Variants in CIMAP2 observed in about 807,000 individuals in gnomAD.
CIMAP2 encodes the protein ciliary microtubule-associated protein 2.
chr1:54,820,584 C>G, the CIMAP2 span, among the ~76,000 whole-genome samples: 1,757 of 152,246 alleles, frequency 0.012, 33 homozygotes, highest in African/African-American at 0.04. Flanking sequence ...CACATCCTTG[C>G]CAGCATTTGT....
the CIMAP2 span, chr1:54,808,071 C>A: frequency 1.6e-5 from 24 of 1,464,766 alleles, no homozygotes; most frequent in South Asian, 1.6e-4. Flanking sequence ...GGGTGCCCAA[C>A]AAATTCATTC....
At chr1:54,812,330 C>A in the CIMAP2 span, 1 of 1,280,582 alleles carries the variant, frequency 7.8e-7, no homozygotes, top group Non-Finnish European at 1.1e-6. Flanking sequence ...CCCTCACAGC[C>A]AGGGCTGGAT....
At chr1:54,809,363 C>A in the CIMAP2 span, among the ~76,000 whole-genome samples, 1 of 152,166 alleles carries the variant, frequency 6.6e-6, no homozygotes, top group Non-Finnish European at 1.5e-5. Flanking sequence ...AGCAGATGCA[C>A]CTTCAGGTGC....
the CIMAP2 span, among the ~76,000 whole-genome samples, chr1:54,831,475 A>G: frequency 2.0e-5 from 3 of 152,118 alleles, no homozygotes; most frequent in Non-Finnish European, 4.4e-5. Flanking sequence ...CAAAATGGTG[A>G]AACCCCGTCT....
the CIMAP2 span, among the ~76,000 whole-genome samples, chr1:54,841,149 G>T: frequency 6.6e-6 from 1 of 152,204 alleles, no homozygotes; most frequent in Non-Finnish European, 1.5e-5. Flanking sequence ...TTAAGCATGG[G>T]TAATGATCTA....
At chr1:54,832,600 T>C in the CIMAP2 span, among the ~76,000 whole-genome samples, 2 of 152,144 alleles carry the variant, frequency 1.3e-5, no homozygotes, top group Admixed American at 6.5e-5. Context: ...AAAGCACCCA[T>C]TAGAGGAAAA....
At chr1:54,838,654 T>A in the CIMAP2 span, among the ~76,000 whole-genome samples, 1 of 152,022 alleles carries the variant, frequency 6.6e-6, no homozygotes, top group Admixed American at 6.6e-5. Context: ...ACTCAGTGGC[T>A]TAAAACAATA....
the CIMAP2 span, chr1:54,813,797 TTC>T: frequency 8.8e-6 from 14 of 1,583,298 alleles, no homozygotes; most frequent in Admixed American, 1.9e-5. Context: ...AGATTCCTTT[TTC>T]TCTCTTTTTC....
chr1:54,821,600 T>G, the CIMAP2 span, among the ~76,000 whole-genome samples: 1 of 152,166 alleles, frequency 6.6e-6, no homozygotes, highest in African/African-American at 2.4e-5. Context: ...CAGTTTCCAT[T>G]ATAGAGGTCT....
the CIMAP2 span, among the ~76,000 whole-genome samples, chr1:54,809,669 G>A: frequency 0.01 from 1,590 of 152,112 alleles, 45 homozygotes; most frequent in East Asian, 0.096. Context: ...TCACCCACAG[G>A]TTTGGCCCCC....
At chr1:54,838,092 C>A in the CIMAP2 span, among the ~76,000 whole-genome samples, 3 of 151,958 alleles carry the variant, frequency 2.0e-5, no homozygotes, top group Non-Finnish European at 4.4e-5. Context: ...GGCATTTGAT[C>A]TGGTTCTCAA....
At chr1:54,819,313 C>T in the CIMAP2 span, among the ~76,000 whole-genome samples, 1 of 152,264 alleles carries the variant, frequency 6.6e-6, no homozygotes, top group African/African-American at 2.4e-5. Context: ...TCCTCCTAGC[C>T]CCCTGGAATC....
the CIMAP2 span, chr1:54,814,006 T>C: frequency 6.4e-7 from 1 of 1,556,218 alleles, no homozygotes; most frequent in Non-Finnish European, 8.7e-7. Context: ...GGCCTTCCTC[T>C]CTCGGAGGGC....
chr1:54,813,221 C>T, the CIMAP2 span, among the ~76,000 whole-genome samples: 2 of 152,054 alleles, frequency 1.3e-5, no homozygotes, highest in African/African-American at 4.8e-5. Context: ...ACCCACTGCC[C>T]TCTCCACACC....
At chr1:54,811,765 G>GCCGGGGGGGGGGGGGGGCC in the CIMAP2 span, 1 of 1,301,330 alleles carries the variant, frequency 7.7e-7, no homozygotes, top group Non-Finnish European at 1.1e-6. Context: ...GGTTCTGACA[G>GCCGGGGGGGGGGGGGGGCC]CCTCCATGCC....
chr1:54,839,452 A>T, the CIMAP2 span, among the ~76,000 whole-genome samples: 3 of 151,718 alleles, frequency 2.0e-5, no homozygotes, highest in South Asian at 2.1e-4. Flanking sequence ...ATCTCGGCTC[A>T]CTCTAACCTC....
the CIMAP2 span, chr1:54,813,716 T>G: frequency 7.5e-7 from 1 of 1,340,358 alleles, no homozygotes. Flanking sequence ...GGATAGTAAG[T>G]GATGCCCCAT....
the CIMAP2 span, among the ~76,000 whole-genome samples, chr1:54,815,237 G>C: frequency 1.3e-5 from 2 of 152,184 alleles, no homozygotes; most frequent in Admixed American, 6.5e-5. Flanking sequence ...ACTGGTATTA[G>C]CATCACCTGT....
the CIMAP2 span, among the ~76,000 whole-genome samples, chr1:54,821,286 T>G: frequency 2.1e-4 from 32 of 152,316 alleles, no homozygotes; most frequent in Middle Eastern, 3.4e-3. Context: ...GAAGTTTTAG[T>G]CATAAAGTTG....
Sources: allele counts gnomAD v4.1 joint callset (sites outside exome capture counted in the v4.1 genomes callset), GRCh38; gene constraint gnomAD v4.1.1; transcripts MANE v1.5; gene names NCBI Gene and HGNC (gene_info 2026-07-23, HGNC 2026-07-21).